CCDC63: variants seen among roughly 807,000 people sequenced by gnomAD.
CCDC63 encodes coiled-coil domain-containing protein 63.
Under a neutral mutation model 63.6 loss-of-function variants are expected in CCDC63, and 54 were observed. That is an observed-to-expected ratio of 0.85 (90% CI 0.68 to 1.07). The LOEUF is 1.07. Ranked by LOEUF, CCDC63 falls within the 50% of genes least tolerant of loss-of-function variation. The probability of loss-of-function intolerance (pLI) is 0.00; values close to 1 mark genes in which losing one functional copy is unlikely to be tolerated. For missense variants in CCDC63, 637 were observed against 689.6 expected, an observed-to-expected ratio of 0.92 and a Z score of 0.86; for synonymous variants, 253 against 266.1, an observed-to-expected ratio of 0.95 and a Z score of 0.48.
chr12:110,906,431 A>G (rs1175485079), intron 11 of CCDC63, among the ~76,000 whole-genome samples: 3 of 151,804 alleles, frequency 2.0e-5, no homozygotes, highest in Non-Finnish European at 4.4e-5. Flanking sequence ...CACCTGTTAC[A>G]GTGGATAATT....
At chr12:110,894,687 G>A (rs1265043642) in intron 9 of CCDC63, among the ~76,000 whole-genome samples, 1 of 152,172 alleles carries the variant, frequency 6.6e-6, no homozygotes, top group East Asian at 1.9e-4. Context: ...CAGATGCCTG[G>A]GGCCCACGTC....
At chr12:110,857,416 C>T (rs868101633) in intron 3 of CCDC63, among the ~76,000 whole-genome samples, 3 of 152,100 alleles carry the variant, frequency 2.0e-5, no homozygotes, top group South Asian at 4.2e-4. Context: ...TAAGCCACTG[C>T]GCCGGGCCTG....
At chr12:110,902,102 A>G (rs1446615017) in intron 10 of CCDC63, among the ~76,000 whole-genome samples, 1 of 152,136 alleles carries the variant, frequency 6.6e-6, no homozygotes, top group African/African-American at 2.4e-5. Context: ...AAGTGCTGGG[A>G]TTACAGGTGT....
At chr12:110,872,492 A>G (rs1286302760) in intron 4 of CCDC63, among the ~76,000 whole-genome samples, 1 of 135,994 alleles carries the variant, frequency 7.4e-6, no homozygotes, top group Non-Finnish European at 1.6e-5. Flanking sequence ...ATGGTGACCA[A>G]CTCTCGTAAA....
intron 1 of CCDC63, among the ~76,000 whole-genome samples, chr12:110,850,794 G>A (rs777853344): frequency 4.6e-5 from 7 of 152,128 alleles, no homozygotes; most frequent in Non-Finnish European, 7.4e-5. Flanking sequence ...GTCTTTTACA[G>A]ATCTCTTTGC....
At chr12:110,866,324 T>TA (rs1555253029) in intron 4 of CCDC63, among the ~76,000 whole-genome samples, 1 of 146,322 alleles carries the variant, frequency 6.8e-6, no homozygotes, top group Non-Finnish European at 1.5e-5. Context: ...TTTTTTTTTT[T>TA]AATTTATTTT....
intron 4 of CCDC63, among the ~76,000 whole-genome samples, chr12:110,870,962 G>T (rs1322539227): frequency 2.0e-5 from 3 of 152,066 alleles, no homozygotes; most frequent in Non-Finnish European, 4.4e-5. Context: ...ATGGGAAGAA[G>T]TCACCTCCAC....
intron 4 of CCDC63, among the ~76,000 whole-genome samples, chr12:110,859,598 G>A (rs2070825596): frequency 6.6e-6 from 1 of 151,958 alleles, no homozygotes; most frequent in African/African-American, 2.4e-5. Context: ...GAGCCACCGT[G>A]CCTGGCTGAA....
At chr12:110,870,610 C>T (rs2071052148) in intron 4 of CCDC63, among the ~76,000 whole-genome samples, 2 of 152,196 alleles carry the variant, frequency 1.3e-5, no homozygotes, top group South Asian at 4.1e-4. Context: ...TCTGCATTGC[C>T]TCAGAGGGAG....
rs200896803 is a variant in CCDC63 at position 110,904,554 on chromosome 12, G to A, written c.1343-34G>A. The A allele has an allele frequency of 1.9e-5, 31 of 1,606,744 alleles. No homozygotes were observed. The Middle Eastern group carries it at 6.6e-4, about 34-fold the overall frequency. ...CAGTGCCCCCAGGCCCAGGTCTCTC[G>A]GCAGCCATCTTGGTCCTGCTTCTTG... On this transcript the variant is annotated intron_variant, in intron 10 of 11. Coordinates refer to ENST00000308208, the MANE Select transcript of CCDC63 (RefSeq NM_152591.3).
chr12:110,889,897 C>T lies in CCDC63; in HGVS notation c.1075-3179C>T, dbSNP rs76161043. On this transcript the variant is annotated intron_variant, in intron 8 of 11. Transcript: ENST00000308208. This position sits in a 1 kb window ranked among gnomAD's most constrained non-coding sequence, Gnocchi z 4.1. ...TTTTCCAAAATCATATATTTTTTTC[C>T]GATTAGAATTTTTTTTCACAATTTG... Among the ~76,000 whole-genome samples the T allele has an allele frequency of 0.029, 4,345 of 151,816 alleles. 82 individuals are homozygous for T. Among genetic ancestry groups the T allele is most frequent in the Middle Eastern group, 0.054 (16 of 294 alleles).
chr12:110,897,622 G>A (rs1462864011), intron 9 of CCDC63, among the ~76,000 whole-genome samples: 1 of 151,532 alleles, frequency 6.6e-6, no homozygotes, highest in Non-Finnish European at 1.5e-5. Flanking sequence ...ATTGATTTGT[G>A]AAATTTTATA....
chr12:110,852,543 A>G (rs997420514), intron 1 of CCDC63, among the ~76,000 whole-genome samples: 17 of 152,078 alleles, frequency 1.1e-4, no homozygotes, highest in Non-Finnish European at 2.1e-4. Flanking sequence ...TTACAGGCAT[A>G]AGCCACCATG....
In CCDC63 at chr12:110,853,406, TGAA is replaced by T. The variant is rs2070731500; in HGVS notation, c.18_20del (p.Lys6del). The stretch of plus-strand genomic sequence containing the variant: ...CCCACTCCTCTCCATCTCCCCCAGT[TGAA>T]GAAGAACAGGAGAAAAGACTCCGAC... On this transcript the variant is annotated inframe_deletion and splice_region_variant, in exon 3 of 12. Coordinates refer to ENST00000308208, the MANE Select transcript of CCDC63 (RefSeq NM_152591.3). 6.2e-7 allele frequency: 1 copy of T among 1,607,422 alleles called. No individual in the cohort carries two copies. Among genetic ancestry groups the T allele is most frequent in the Non-Finnish European group, 8.5e-7 (1 of 1,178,196 alleles).
At chr12:110,901,655 C>G (rs904866054) in intron 10 of CCDC63, among the ~76,000 whole-genome samples, 11 of 152,110 alleles carry the variant, frequency 7.2e-5, no homozygotes, top group African/African-American at 2.7e-4. Flanking sequence ...TGTTTTTCAT[C>G]CTGCAGATAA....
intron 4 of CCDC63, among the ~76,000 whole-genome samples, chr12:110,867,021 A>T (rs1347879684): frequency 1.9e-5 from 2 of 107,908 alleles, no homozygotes; most frequent in Non-Finnish European, 3.7e-5. Flanking sequence ...TCCCTCCCGG[A>T]CGGGGCGGCT....
At chr12:110,850,095 TTG>T (rs2070687687) in intron 1 of CCDC63, among the ~76,000 whole-genome samples, 1 of 152,240 alleles carries the variant, frequency 6.6e-6, no homozygotes, top group Non-Finnish European at 1.5e-5. Flanking sequence ...AATTTCGCAT[TTG>T]TGTAACAGCC....
chr12:110,878,384 G>A (rs565917011), intron 5 of CCDC63, among the ~76,000 whole-genome samples: 5 of 152,044 alleles, frequency 3.3e-5, no homozygotes, highest in South Asian at 2.1e-4. Context: ...GCGTGATCTC[G>A]GCTCACTGAA....
At chr12:110,881,717 C>CAAA (rs71083160) in intron 7 of CCDC63, among the ~76,000 whole-genome samples, 13 of 147,472 alleles carry the variant, frequency 8.8e-5, no homozygotes, top group African/African-American at 3.0e-4. Flanking sequence ...ATAAGACTCT[C>CAAA]AAAAAAAAAA....
Sources: allele counts gnomAD v4.1 joint callset (sites outside exome capture counted in the v4.1 genomes callset), GRCh38; gene constraint gnomAD v4.1.1; non-coding constraint Gnocchi (gnomAD v3.1); transcripts MANE v1.5; gene names NCBI Gene and HGNC (gene_info 2026-07-23, HGNC 2026-07-21).